Variants in ANKRD31 observed in about 807,000 individuals in gnomAD.
The protein encoded by ANKRD31 is ankyrin repeat domain 31, also known as ankyrin repeat domain-containing protein 31.
ANKRD31 carries 147 observed loss-of-function variants against 186.0 expected under a neutral mutation model. The ratio of observed to expected loss-of-function variants is 0.79; its 90% CI spans 0.69 to 0.91. The LOEUF is 0.91. Among genes scored for constraint, ANKRD31 ranks in the 40% least tolerant of loss-of-function variants. The probability of loss-of-function intolerance (pLI) is 0.00; values close to 1 mark genes in which losing one functional copy is unlikely to be tolerated. For missense variants in ANKRD31, 1,986 were observed against 2,148.8 expected (o/e 0.92, Z 1.50); for synonymous variants, 673 against 736.4 (o/e 0.91, Z 1.39).
Position 75,222,373 on chromosome 5 carries a change from A to G in ANKRD31, c.179-15T>C. 2 of 1,508,444 alleles carry G rather than the reference A, an allele frequency of 1.3e-6. No individual in the cohort carries two copies. The highest frequency in any genetic ancestry group is 2.0e-5 in the Admixed American group (1 of 49,444). The allele number at this position is 1,508,444 out of a possible 1,614,324, so 93.4% of individuals were successfully genotyped here. On this transcript the variant is annotated splice_polypyrimidine_tract_variant and intron_variant, in intron 2 of 25. Coordinates refer to ENST00000506364, the MANE Select transcript of ANKRD31 (RefSeq NM_001372053.1). Reference sequence around the variant, plus strand: ...AGAAGGCATGCCTAGAGTGAAACATAATCATAAATCATTTACAACAGTTTT... The same window carrying G: ...AGAAGGCATGCCTAGAGTGAAACATGATCATAAATCATTTACAACAGTTTT...
chr5:75,155,913 CT>C (rs10706178), intron 11 of ANKRD31, among the ~76,000 whole-genome samples: 73,659 of 145,952 alleles, frequency 0.5, 20,898 homozygotes, highest in African/African-American at 0.81. Context: ...TTATGTCAGC[CT>C]TTTTTTTTTT....
intron 25 of ANKRD31, among the ~76,000 whole-genome samples, chr5:75,072,624 T>G (rs1379454390): frequency 6.6e-6 from 1 of 152,150 alleles, no homozygotes; most frequent in African/African-American, 2.4e-5. Context: ...AACCTAATCT[T>G]ACATAATACA....
At chr5:75,189,445 T>C (rs1754956543) in intron 9 of ANKRD31, among the ~76,000 whole-genome samples, 1 of 152,186 alleles carries the variant, frequency 6.6e-6, no homozygotes, top group South Asian at 2.1e-4. Context: ...CAAAGGTAAC[T>C]GAGTACTGCA....
At chr5:75,077,259 C>A (rs1744717432) in intron 25 of ANKRD31, among the ~76,000 whole-genome samples, 1 of 152,070 alleles carries the variant, frequency 6.6e-6, no homozygotes, top group Non-Finnish European at 1.5e-5. Context: ...AAAATAGAGA[C>A]CGGGTCTCAC....
intron 10 of ANKRD31, among the ~76,000 whole-genome samples, chr5:75,187,367 C>A (rs1754808766): frequency 6.6e-6 from 1 of 151,068 alleles, no homozygotes. Flanking sequence ...ATGAAGGTCA[C>A]AGAAGTACCT....
intron 12 of ANKRD31, among the ~76,000 whole-genome samples, chr5:75,151,888 G>A (rs993123615): frequency 6.6e-5 from 10 of 152,008 alleles, no homozygotes; most frequent in Middle Eastern, 3.4e-3. Context: ...ATTCTTCATC[G>A]TAATTGCTGG....
chr5:75,073,852 T>A (rs978380026), intron 25 of ANKRD31, among the ~76,000 whole-genome samples: 7 of 152,204 alleles, frequency 4.6e-5, no homozygotes, highest in African/African-American at 1.7e-4. Flanking sequence ...TAGGCCCACC[T>A]CCTCTTTTTA....
At chr5:75,222,127 T>A (rs1757337400) in intron 3 of ANKRD31, 122 bp downstream of exon 3, 2 of 634,870 alleles carry the variant, frequency 3.2e-6, no homozygotes, top group Non-Finnish European at 5.1e-6. Context: ...AGGTAAAAAT[T>A]AATAAGAAAA....
rs541850489 is a variant in ANKRD31 at position 75,141,624 on chromosome 5, C to T, written c.3595+2377G>A. ...CTGCACTCCAGCCTGGGTGACAGAGCGAGACTCCGTTTCAAAAAAAGAAAA... is the reference window on the plus strand; with the variant it reads ...CTGCACTCCAGCCTGGGTGACAGAGTGAGACTCCGTTTCAAAAAAAGAAAA... On this transcript the variant is annotated intron_variant, in intron 15 of 25. Transcript: ENST00000506364. Among the ~76,000 whole-genome samples the T allele has an allele frequency of 5.9e-5, 9 of 151,532 alleles. No individual in the cohort carries two copies. In the East Asian group the frequency reaches 9.7e-4, roughly 16 times the overall value.
chr5:75,226,157 C>A (rs757054293), intron 2 of ANKRD31, among the ~76,000 whole-genome samples: 1 of 152,158 alleles, frequency 6.6e-6, no homozygotes, highest in African/African-American at 2.4e-5. Context: ...TAGAATACCA[C>A]GTAAATTTCT....
At chr5:75,084,429 A>AGGTGTATTTCCTT in intron 23 of ANKRD31, 55 bp from the exon 24 acceptor site, 5 of 1,227,242 alleles carry the variant, frequency 4.1e-6, no homozygotes, top group African/African-American at 1.5e-5. Flanking sequence ...AGAAGGAAAT[A>AGGTGTATTTCCTT]CACCTATGTC....
At chr5:75,123,550 G>T (rs900885385) in intron 17 of ANKRD31, among the ~76,000 whole-genome samples, 5 of 151,856 alleles carry the variant, frequency 3.3e-5, no homozygotes, top group African/African-American at 1.2e-4. Context: ...ATACTGCAAG[G>T]TTATAATAAT....
intron 2 of ANKRD31, among the ~76,000 whole-genome samples, chr5:75,223,140 CA>C (rs1757407834): frequency 6.6e-6 from 1 of 152,208 alleles, no homozygotes; most frequent in Non-Finnish European, 1.5e-5. Flanking sequence ...ACCATTCTGA[CA>C]GGCATGAGAT....
intron 17 of ANKRD31, among the ~76,000 whole-genome samples, chr5:75,135,465 T>G (rs1750494798): frequency 6.6e-6 from 1 of 152,162 alleles, no homozygotes; most frequent in South Asian, 2.1e-4. Context: ...ACAAGGGATG[T>G]GAAGGGCCTC....
chr5:75,132,773 C>T (rs1267233801), intron 17 of ANKRD31, among the ~76,000 whole-genome samples: 4 of 152,136 alleles, frequency 2.6e-5, no homozygotes, highest in African/African-American at 9.7e-5. Flanking sequence ...AGAGAAAGGT[C>T]GAGTTACCCA....
chr5:75,080,717 C>T, intron 24 of ANKRD31, 78 bp from the exon 25 acceptor site: 1 of 771,168 alleles, frequency 1.3e-6, no homozygotes, highest in Non-Finnish European at 1.9e-6. Flanking sequence ...TGATGGTCAC[C>T]CTACCGATGG....
At chr5:75,115,181 G>T (rs1405116953) in intron 19 of ANKRD31, among the ~76,000 whole-genome samples, 4 of 150,154 alleles carry the variant, frequency 2.7e-5, no homozygotes, top group African/African-American at 9.8e-5. Flanking sequence ...TTAATAAATG[G>T]TGCTGGGAAA....
chr5:75,222,847 T>G (rs1336602730), intron 2 of ANKRD31, among the ~76,000 whole-genome samples: 1 of 152,224 alleles, frequency 6.6e-6, no homozygotes, highest in African/African-American at 2.4e-5. Flanking sequence ...TATCCATTGA[T>G]AGGCATTTGG....
chr5:75,105,740 A>G (rs1349378944), intron 21 of ANKRD31, among the ~76,000 whole-genome samples: 1 of 152,188 alleles, frequency 6.6e-6, no homozygotes, highest in Non-Finnish European at 1.5e-5. Flanking sequence ...GCTGGACCTG[A>G]GAAAAGTTAG....
Sources: gnomAD v4.1 joint callset for allele counts (sites outside exome capture counted in the v4.1 genomes callset) on GRCh38, gnomAD v4.1.1 for gene constraint, MANE v1.5 for transcripts, NCBI Gene and HGNC (gene_info 2026-07-23, HGNC 2026-07-21) for gene names.